The following GLMN variants were observed in gnomAD, a reference collection of about 807,000 sequenced individuals.
GLMN encodes glomulin, FKBP associated protein.
In GLMN, 75 loss-of-function variants were observed where a neutral mutation model predicts 87.8. The observed-to-expected ratio is 0.85, with a 90% CI of 0.71 to 1.04. The LOEUF (loss-of-function observed/expected upper bound fraction) is 1.04. Ranked by LOEUF, GLMN falls within the 50% of genes least tolerant of loss-of-function variation. The pLI is 0.00. For missense variants in GLMN, 588 were observed against 658.8 expected (o/e 0.89, Z 1.18); for synonymous variants, 206 against 221.6 (o/e 0.93, Z 0.63).
intron 7 of GLMN, among the ~76,000 whole-genome samples, chr1:92,272,320 T>C (rs955005842): frequency 2.0e-5 from 3 of 152,188 alleles, no homozygotes; most frequent in African/African-American, 7.2e-5. Flanking sequence ...ATAACAAAGG[T>C]ATGCTGTTTT....
At chr1:92,324,261 A>G in the GLMN span, 1 of 1,614,062 alleles carries the variant, frequency 6.2e-7, no homozygotes, top group South Asian at 1.1e-5. Context: ...AACCACTGCC[A>G]AGTTACGAGA....
chr1:92,252,481 T>C (rs1439650261), intron 16 of GLMN, among the ~76,000 whole-genome samples: 4 of 152,330 alleles, frequency 2.6e-5, no homozygotes, highest in African/African-American at 9.6e-5. Context: ...GATCTTTGAA[T>C]GTTAAAACCT....
At chr1:92,323,893 ACT>A in the GLMN span, 1 of 1,614,118 alleles carries the variant, frequency 6.2e-7, no homozygotes, top group African/African-American at 1.3e-5. Context: ...GTCAGAAATA[ACT>A]CTAGTAGGCA....
chr1:92,260,222 G>C (rs1570867647), intron 16 of GLMN, among the ~76,000 whole-genome samples: 1 of 152,102 alleles, frequency 6.6e-6, no homozygotes, highest in East Asian at 1.9e-4. Flanking sequence ...CTTGGACTGG[G>C]TTTTTGCTAA....
At chr1:92,325,151 C>T in the GLMN span, among the ~76,000 whole-genome samples, 1 of 152,034 alleles carries the variant, frequency 6.6e-6, no homozygotes. Flanking sequence ...TTCTACTACC[C>T]ATCTTTGATT....
At chr1:92,320,731 T>C in the GLMN span, 1 of 864,322 alleles carries the variant, frequency 1.2e-6, no homozygotes, top group Non-Finnish European at 1.8e-6. Flanking sequence ...CTTCCTGTGC[T>C]GATGCATTAT....
the GLMN span, among the ~76,000 whole-genome samples, chr1:92,366,000 C>G: frequency 3.9e-5 from 6 of 152,140 alleles, no homozygotes; most frequent in Non-Finnish European, 1.5e-5. Flanking sequence ...ATTTAACAAA[C>G]TTGGAAATCA....
intron 3 of GLMN, among the ~76,000 whole-genome samples, chr1:92,292,984 T>A (rs1011196455): frequency 1.1e-4 from 16 of 151,832 alleles, no homozygotes; most frequent in African/African-American, 3.6e-4. Context: ...ATCACACCAC[T>A]GCAAACCAGC....
chr1:92,303,533 CTT>C (rs535507161), upstream of GLMN, among the ~76,000 whole-genome samples: 43 of 152,176 alleles, frequency 2.8e-4, no homozygotes, highest in African/African-American at 1.0e-3. Flanking sequence ...AACAATGACA[CTT>C]TTGAAATACT....
the GLMN span, among the ~76,000 whole-genome samples, chr1:92,308,130 C>T: frequency 6.6e-6 from 1 of 151,670 alleles, no homozygotes; most frequent in Non-Finnish European, 1.5e-5. Flanking sequence ...GGCGATGTAA[C>T]ACCACTCTCA....
intron 7 of GLMN, among the ~76,000 whole-genome samples, chr1:92,282,548 C>T (rs1648195793): frequency 6.6e-6 from 1 of 152,158 alleles, no homozygotes; most frequent in South Asian, 2.1e-4. Flanking sequence ...GACATCCTAA[C>T]ATCACAATTA....
chr1:92,249,058 A>G, intron 16 of GLMN, among the ~76,000 whole-genome samples: 1 of 152,232 alleles, frequency 6.6e-6, no homozygotes, highest in East Asian at 1.9e-4. Flanking sequence ...GTAAATTATG[A>G]CATATTAACA....
At chr1:92,336,430 T>C in the GLMN span, 51 of 1,558,864 alleles carry the variant, frequency 3.3e-5, no homozygotes, top group Non-Finnish European at 4.2e-5. Context: ...ACTTTCAGGT[T>C]AGTGTTTATA....
the GLMN span, chr1:92,324,067 T>C: frequency 2.3e-5 from 37 of 1,613,902 alleles, no homozygotes; most frequent in Non-Finnish European, 2.8e-5. Context: ...AGAAGAAACA[T>C]TGAGGTTTTT....
At chr1:92,286,268 G>A (rs991420418) in intron 7 of GLMN, among the ~76,000 whole-genome samples, 11 of 149,926 alleles carry the variant, frequency 7.3e-5, no homozygotes, top group South Asian at 2.1e-4. Flanking sequence ...TTATATATAT[G>A]TATTATTATA....
At chr1:92,316,743 C>T in the GLMN span, among the ~76,000 whole-genome samples, 4 of 151,958 alleles carry the variant, frequency 2.6e-5, no homozygotes, top group African/African-American at 7.3e-5. Context: ...TCTCTTCAAA[C>T]GAAAGAAATT....
intron 11 of GLMN, among the ~76,000 whole-genome samples, chr1:92,267,703 CAAAA>C (rs10718329): frequency 7.0e-6 from 1 of 142,896 alleles, no homozygotes; most frequent in African/African-American, 2.6e-5. Context: ...GACTACACCT[CAAAA>C]AAAAAAAAAA....
chr1:92,249,725 G>A (rs1653195893), intron 16 of GLMN, among the ~76,000 whole-genome samples: 1 of 151,970 alleles, frequency 6.6e-6, no homozygotes, highest in Non-Finnish European at 1.5e-5. Flanking sequence ...AATACAGCTT[G>A]TCTTTTATCT....
chr1:92,333,274 A>G, the GLMN span: 1 of 730,996 alleles, frequency 1.4e-6, no homozygotes, highest in Non-Finnish European at 2.3e-6. Context: ...AAGTCTAGTT[A>G]TTTTCCTACT....
Sources: gnomAD v4.1 joint callset for allele counts (sites outside exome capture counted in the v4.1 genomes callset) on GRCh38, gnomAD v4.1.1 for gene constraint, MANE v1.5 for transcripts, NCBI Gene and HGNC (gene_info 2026-07-23, HGNC 2026-07-21) for gene names.